Variants in MRTFB observed in about 807,000 individuals in gnomAD.
MRTFB encodes myocardin-related transcription factor B.
In MRTFB, 29 loss-of-function variants were observed where a neutral mutation model predicts 104.2. The observed-to-expected ratio is 0.28, with a 90% CI of 0.21 to 0.38. MRTFB has a LOEUF of 0.38. MRTFB is among the 10% of genes least tolerant of loss of function. MRTFB has a pLI of 1.00. For synonymous variants in MRTFB, 535 were observed against 519.5 expected, an observed-to-expected ratio of 1.03 and a Z score of -0.41; for missense variants, 1,270 against 1,341.6, an observed-to-expected ratio of 0.95 and a Z score of 0.83.
intron 5 of MRTFB, among the ~76,000 whole-genome samples, chr16:14,213,165 A>G (rs2041269954): frequency 6.6e-6 from 1 of 152,188 alleles, no homozygotes; most frequent in Non-Finnish European, 1.5e-5. Context: ...ACACATTAAG[A>G]TTTTTAGGAA....
chr16:14,014,846 C>T, the MRTFB span, among the ~76,000 whole-genome samples: 4 of 152,040 alleles, frequency 2.6e-5, no homozygotes, highest in African/African-American at 4.8e-5. Flanking sequence ...TCCAGCCTGG[C>T]GACAGGGCAA....
intron 9 of MRTFB, among the ~76,000 whole-genome samples, chr16:14,240,007 C>G (rs2042693287): frequency 1.3e-5 from 2 of 152,248 alleles, no homozygotes; most frequent in Non-Finnish European, 1.5e-5. Context: ...TGCTGAGCAT[C>G]TTGCCCATAC....
At chr16:14,237,738 G>C (rs1381572602) in intron 9 of MRTFB, among the ~76,000 whole-genome samples, 1 of 152,134 alleles carries the variant, frequency 6.6e-6, no homozygotes, top group African/African-American at 2.4e-5. Flanking sequence ...GAAGGAAAAC[G>C]CAGAGTCTCG....
chr16:14,115,574 G>A (rs2036501319), intron 2 of MRTFB, among the ~76,000 whole-genome samples: 1 of 152,096 alleles, frequency 6.6e-6, no homozygotes, highest in African/African-American at 2.4e-5. Flanking sequence ...TTTAAATACA[G>A]GTTTTTTTGA....
At chr16:14,161,674 T>A (rs1450320143) in intron 3 of MRTFB, among the ~76,000 whole-genome samples, 2 of 152,110 alleles carry the variant, frequency 1.3e-5, no homozygotes, top group African/African-American at 4.8e-5. Context: ...AAGAGGTAAA[T>A]CTCAATATAT....
chr16:14,017,087 C>T, the MRTFB span, among the ~76,000 whole-genome samples: 7,723 of 136,012 alleles, frequency 0.057, 289 homozygotes, highest in East Asian at 0.15. Context: ...GACGGAGTCT[C>T]GCTCTGTTGC....
chr16:14,104,364 C>T (rs2035861732), intron 2 of MRTFB, among the ~76,000 whole-genome samples: 1 of 152,138 alleles, frequency 6.6e-6, no homozygotes, highest in African/African-American at 2.4e-5. Flanking sequence ...CTCATTTACT[C>T]CTGAAATTCA....
At chr16:14,072,431 A>G (rs78967158) in intron 1 of MRTFB, among the ~76,000 whole-genome samples, 2,352 of 152,292 alleles carry the variant, frequency 0.015, 50 homozygotes, top group African/African-American at 0.047. Flanking sequence ...GCCAGCTTCT[A>G]ATGAGTACAT....
At chr16:14,067,976 C>A (rs976453201), upstream of MRTFB, among the ~76,000 whole-genome samples, 1 of 151,962 alleles carries the variant, frequency 6.6e-6, no homozygotes. Flanking sequence ...AGACTACAGC[C>A]GCCCGCCACC....
chr16:14,107,955 T>G (rs556238087), intron 2 of MRTFB, among the ~76,000 whole-genome samples: 1 of 152,302 alleles, frequency 6.6e-6, no homozygotes, highest in East Asian at 1.9e-4. Flanking sequence ...ACCTGAACTT[T>G]CGTTTCAGAT....
At chr16:13,999,689 G>C in the MRTFB span, among the ~76,000 whole-genome samples, 1 of 152,176 alleles carries the variant, frequency 6.6e-6, no homozygotes, top group African/African-American at 2.4e-5. Context: ...ACAGAAGGTA[G>C]AGCGAGAGAT....
intron 3 of MRTFB, among the ~76,000 whole-genome samples, chr16:14,150,643 G>A (rs143043785): frequency 2.1e-3 from 318 of 152,052 alleles, no homozygotes; most frequent in African/African-American, 7.3e-3. Context: ...AGACCAGCTT[G>A]GACAATATAT....
At chr16:14,210,520 T>C (rs897838690) in intron 4 of MRTFB, among the ~76,000 whole-genome samples, 1 of 152,244 alleles carries the variant, frequency 6.6e-6, no homozygotes, top group Non-Finnish European at 1.5e-5. Context: ...ACTTGAATTT[T>C]ATATTACACA....
rs750881308 is a variant in MRTFB, at chr16:14,243,864, G to GTTTGTTTTTTTTTTTTTTTTTTT, written c.1080-1661_1080-1660insGTTTTTTTTTTTTTTTTTTTTTT. Among the ~76,000 whole-genome samples, 64 of 124,616 alleles carry GTTTGTTTTTTTTTTTTTTTTTTT rather than the reference G, an allele frequency of 5.1e-4. 3 individuals are homozygous for GTTTGTTTTTTTTTTTTTTTTTTT. Among genetic ancestry groups the GTTTGTTTTTTTTTTTTTTTTTTT allele is most frequent in the African/African-American group, 2.2e-3 (58 of 26,448 alleles). The allele number at this position is 124,616 out of a possible 152,430, so 81.8% of individuals were successfully genotyped here. Reference sequence around the variant, plus strand: ...CAGAGATTAGTTTTGCCTGTTTTGGGTTTTTTTTTTTTTGAGACAGAGTCT... The same window carrying GTTTGTTTTTTTTTTTTTTTTTTT: ...CAGAGATTAGTTTTGCCTGTTTTGGGTTTGTTTTTTTTTTTTTTTTTTTTTTTTTTTTTTTTGAGACAGAGTCT... On this transcript the variant is annotated intron_variant, in intron 10 of 16. Transcript: ENST00000571589.
chr16:14,008,626 C>G, the MRTFB span, among the ~76,000 whole-genome samples: 7 of 152,172 alleles, frequency 4.6e-5, no homozygotes, highest in South Asian at 2.1e-4. Flanking sequence ...AGTATGAACC[C>G]TCCAACTTTG....
the MRTFB span, among the ~76,000 whole-genome samples, chr16:14,062,993 T>G: frequency 6.6e-6 from 1 of 152,204 alleles, no homozygotes; most frequent in Non-Finnish European, 1.5e-5. Context: ...ATCATACGGC[T>G]TGTCTTAGTT....
At chr16:14,207,897 A>T (rs1191441170) in intron 3 of MRTFB, among the ~76,000 whole-genome samples, 1 of 152,212 alleles carries the variant, frequency 6.6e-6, no homozygotes, top group Non-Finnish European at 1.5e-5. Context: ...GGCTTGGCCT[A>T]ACAATTGGCA....
chr16:14,023,575 G>A, the MRTFB span, among the ~76,000 whole-genome samples: 1 of 127,960 alleles, frequency 7.8e-6, no homozygotes, highest in African/African-American at 3.2e-5. Context: ...GCCCCCAAGG[G>A]CAGATACACA....
intron 1 of MRTFB, among the ~76,000 whole-genome samples, chr16:14,075,330 G>C (rs78901771): frequency 0.016 from 2,433 of 152,252 alleles, 52 homozygotes; most frequent in African/African-American, 0.047. Context: ...TTAAAGTGTG[G>C]TGCCCACACC....
Sources: allele counts gnomAD v4.1 joint callset (sites outside exome capture counted in the v4.1 genomes callset), GRCh38; gene constraint gnomAD v4.1.1; transcripts MANE v1.5; gene names NCBI Gene and HGNC (gene_info 2026-07-23, HGNC 2026-07-21).